The following NOL10 variants were observed in gnomAD, a reference collection of about 807,000 sequenced individuals.
NOL10 encodes the protein H_NH0074G24.1.
Under a neutral mutation model 103.5 loss-of-function variants are expected in NOL10, and 58 were observed. That is an observed-to-expected ratio of 0.56 (90% confidence interval 0.45 to 0.70). The LOEUF is 0.70. NOL10 is among the 30% of genes least tolerant of loss of function. The probability of loss-of-function intolerance (pLI) is 0.00; values close to 1 mark genes in which losing one functional copy is unlikely to be tolerated. For synonymous variants in NOL10, 287 were observed against 282.5 expected, an observed-to-expected ratio of 1.02 and a Z score of -0.16; for missense variants, 763 against 807.3, an observed-to-expected ratio of 0.95 and a Z score of 0.67.
chr2:10,593,712 G>C (rs1675516738), intron 17 of NOL10, among the ~76,000 whole-genome samples: 1 of 152,218 alleles, frequency 6.6e-6, no homozygotes, highest in Admixed American at 6.5e-5. Flanking sequence ...CCACGGAGAA[G>C]TTGCTTGGCT....
At chr2:10,622,555 TG>T (rs2148223339) in intron 13 of NOL10, among the ~76,000 whole-genome samples, 1 of 151,708 alleles carries the variant, frequency 6.6e-6, no homozygotes, top group African/African-American at 2.4e-5. Flanking sequence ...AGATACCAAG[TG>T]GTGAACAAGT....
chr2:10,615,717 CCT>C (rs1267302661), intron 13 of NOL10, among the ~76,000 whole-genome samples: 1 of 152,158 alleles, frequency 6.6e-6, no homozygotes, highest in Non-Finnish European at 1.5e-5. Context: ...AGAAAAGATT[CCT>C]CTCTCAGAAT....
At chr2:10,676,939 C>CTTTT (rs35181197) in intron 3 of NOL10, among the ~76,000 whole-genome samples, 1 of 144,578 alleles carries the variant, frequency 6.9e-6, no homozygotes. Flanking sequence ...AGGCCGGCCT[C>CTTTT]TTTTTTTTTT....
chr2:10,646,049 G>A (rs1679052915), intron 12 of NOL10, among the ~76,000 whole-genome samples: 1 of 152,076 alleles, frequency 6.6e-6, no homozygotes, highest in African/African-American at 2.4e-5. Context: ...CAAAGTCAGA[G>A]CTGTTTTTCA....
At chr2:10,634,459 G>A in intron 13 of NOL10, 2 of 455,606 alleles carry the variant, frequency 4.4e-6, no homozygotes, top group Non-Finnish European at 8.8e-6. Flanking sequence ...TGGATCAGAA[G>A]TTCTGATGTA....
intron 8 of NOL10, 50 bp from the exon 9 acceptor site, chr2:10,663,094 T>A: frequency 6.8e-7 from 1 of 1,472,200 alleles, no homozygotes; most frequent in South Asian, 1.2e-5. Flanking sequence ...AGGCGGGGCA[T>A]GGTGGCTCAT....
chr2:10,586,544 C>T (rs967167665), intron 19 of NOL10, among the ~76,000 whole-genome samples: 3 of 152,152 alleles, frequency 2.0e-5, no homozygotes, highest in Non-Finnish European at 4.4e-5. Context: ...TGGGTTTGAA[C>T]TGCACTGCTC....
At chr2:10,617,989 G>A (rs1676919619) in intron 13 of NOL10, among the ~76,000 whole-genome samples, 1 of 151,878 alleles carries the variant, frequency 6.6e-6, no homozygotes, top group Non-Finnish European at 1.5e-5. Context: ...ACAACGTCAT[G>A]GAATTAGTGG....
At chr2:10,599,707 G>C (rs1310742979) in intron 17 of NOL10, among the ~76,000 whole-genome samples, 1 of 152,286 alleles carries the variant, frequency 6.6e-6, no homozygotes, top group Middle Eastern at 3.4e-3. Flanking sequence ...GGGATGCAGG[G>C]AAAGACTAAG....
At chr2:10,654,993 T>C (rs924493864) in intron 11 of NOL10, among the ~76,000 whole-genome samples, 5 of 151,922 alleles carry the variant, frequency 3.3e-5, no homozygotes, top group African/African-American at 1.2e-4. Flanking sequence ...GGAGATGACT[T>C]GAGGTCAGGA....
intron 13 of NOL10, among the ~76,000 whole-genome samples, chr2:10,610,548 C>T (rs1289967836): frequency 6.6e-6 from 1 of 152,124 alleles, no homozygotes; most frequent in Non-Finnish European, 1.5e-5. Flanking sequence ...AACATCAAAA[C>T]CACCATAACA....
chr2:10,576,185 C>T (rs746353935), intron 20 of NOL10, among the ~76,000 whole-genome samples: 6 of 152,174 alleles, frequency 3.9e-5, no homozygotes, highest in African/African-American at 1.2e-4. Flanking sequence ...CTCACACCCA[C>T]TAGCATGGCT....
At chr2:10,641,884 T>G (rs1461462279) in intron 13 of NOL10, among the ~76,000 whole-genome samples, 1 of 152,148 alleles carries the variant, frequency 6.6e-6, no homozygotes, top group Non-Finnish European at 1.5e-5. Flanking sequence ...CCTCCTCTAC[T>G]AGGCAGACCT....
intron 13 of NOL10, among the ~76,000 whole-genome samples, chr2:10,612,025 A>G (rs1481108931): frequency 1.3e-5 from 2 of 152,158 alleles, no homozygotes; most frequent in Non-Finnish European, 2.9e-5. Flanking sequence ...CAGGAGGGTG[A>G]GATAGGAGGA....
intron 17 of NOL10, among the ~76,000 whole-genome samples, chr2:10,590,558 AG>A (rs1558273788): frequency 0.014 from 2,059 of 151,788 alleles, 57 homozygotes; most frequent in African/African-American, 0.047. Flanking sequence ...ATTCCAGCTG[AG>A]TTACTGGGAA....
intron 2 of NOL10, among the ~76,000 whole-genome samples, chr2:10,682,399 C>CT (rs761615937): frequency 0.039 from 5,358 of 138,482 alleles, 338 homozygotes; most frequent in African/African-American, 0.13. Context: ...CATTAAACCA[C>CT]TTTTTTTTTT....
intron 16 of NOL10, among the ~76,000 whole-genome samples, chr2:10,602,572 T>A (rs983699874): frequency 6.6e-6 from 1 of 152,198 alleles, no homozygotes; most frequent in Non-Finnish European, 1.5e-5. Flanking sequence ...GCAGAGGTCA[T>A]AATGCGAAAA....
chr2:10,669,495 CAT>C (rs1435395321), intron 6 of NOL10, among the ~76,000 whole-genome samples: 40 of 108,332 alleles, frequency 3.7e-4, no homozygotes, highest in Middle Eastern at 4.6e-3. Context: ...CACACACACA[CAT>C]ACACACACAC....
At chr2:10,606,598 ACT>A (rs1295261962) in intron 14 of NOL10, among the ~76,000 whole-genome samples, 1 of 118,356 alleles carries the variant, frequency 8.4e-6, no homozygotes, top group African/African-American at 3.7e-5. Context: ...ACACAGCAAG[ACT>A]CTGTCTCAAA....
Sources: allele counts gnomAD v4.1 joint callset (sites outside exome capture counted in the v4.1 genomes callset), GRCh38; gene constraint gnomAD v4.1.1; transcripts MANE v1.5; gene names NCBI Gene and HGNC (gene_info 2026-07-23, HGNC 2026-07-21).